CAPN13: variants seen among roughly 807,000 people sequenced by gnomAD.
CAPN13 encodes calpain 13.
CAPN13 carries 90 observed loss-of-function variants against 98.4 expected under a neutral mutation model. The observed-to-expected ratio is 0.92, with a 90% confidence interval of 0.77 to 1.09. The LOEUF (loss-of-function observed/expected upper bound fraction) is 1.09, where lower values mean the gene tolerates loss of function less well. CAPN13 is among the 50% of genes least tolerant of loss of function. The pLI is 0.00. For synonymous variants in CAPN13, 330 were observed against 305.5 expected, an observed-to-expected ratio of 1.08 and a Z score of -0.84; for missense variants, 887 against 841.3, an observed-to-expected ratio of 1.05 and a Z score of -0.67.
chr2:30,740,387 C>G (rs1230575899), intron 15 of CAPN13, among the ~76,000 whole-genome samples: 1 of 152,190 alleles, frequency 6.6e-6, no homozygotes, highest in Non-Finnish European at 1.5e-5. Context: ...GCTACCGTGC[C>G]CGGCAACCAT....
At chr2:30,759,796 G>A (rs1415580110) in intron 7 of CAPN13, among the ~76,000 whole-genome samples, 2 of 152,172 alleles carry the variant, frequency 1.3e-5, no homozygotes, top group Admixed American at 6.5e-5. Flanking sequence ...GTTCGTTCTT[G>A]GATGTGGCTG....
At chr2:30,749,101 C>T (rs964508542) in intron 11 of CAPN13, among the ~76,000 whole-genome samples, 8 of 152,118 alleles carry the variant, frequency 5.3e-5, no homozygotes, top group East Asian at 1.9e-4. Context: ...CCTACAAAAG[C>T]GGGGCTAGTT....
intron 14 of CAPN13, 144 bp downstream of exon 14, chr2:30,742,182 C>T: frequency 9.1e-7 from 1 of 1,096,116 alleles, no homozygotes; most frequent in Non-Finnish European, 1.3e-6. Flanking sequence ...CCCTACCCCG[C>T]CCCTTTGAGC....
intron 4 of CAPN13, among the ~76,000 whole-genome samples, chr2:30,771,104 C>T (rs916313090): frequency 2.6e-5 from 4 of 152,212 alleles, no homozygotes; most frequent in East Asian, 3.8e-4. Context: ...CTGCTAAGAG[C>T]GCAGATGAAC....
At chr2:30,764,010 G>T (rs1039304717) in intron 6 of CAPN13, 122 bp downstream of exon 6, 2 of 960,040 alleles carry the variant, frequency 2.1e-6, no homozygotes, top group African/African-American at 1.6e-5. Context: ...GGTAAAGCAC[G>T]CTATCAGTGT....
At chr2:30,738,599 A>T (rs777938203) in intron 15 of CAPN13, 142 bp from the exon 16 acceptor site, 32 of 840,158 alleles carry the variant, frequency 3.8e-5, no homozygotes, top group Non-Finnish European at 6.0e-5. Flanking sequence ...ATGAAGACTT[A>T]CCTGATGGCT....
At chr2:30,750,292 C>G (rs1468878456) in intron 11 of CAPN13, among the ~76,000 whole-genome samples, 1 of 151,702 alleles carries the variant, frequency 6.6e-6, no homozygotes, top group Non-Finnish European at 1.5e-5. Context: ...GCAACAGACA[C>G]TGGGATCTAC....
At chr2:30,761,098 G>C (rs141567987) in intron 7 of CAPN13, among the ~76,000 whole-genome samples, 71 of 152,324 alleles carry the variant, frequency 4.7e-4, no homozygotes, top group Admixed American at 2.5e-3. Flanking sequence ...CTTAAAATGT[G>C]AATGTACACT....
chr2:30,765,068 C>A (rs1314570373), intron 5 of CAPN13, among the ~76,000 whole-genome samples: 1 of 152,192 alleles, frequency 6.6e-6, no homozygotes, highest in Non-Finnish European at 1.5e-5. Context: ...CACCTCCACC[C>A]CGACCCATGG....
chr2:30,779,060 T>G (rs1673850531), intron 2 of CAPN13, among the ~76,000 whole-genome samples: 1 of 152,238 alleles, frequency 6.6e-6, no homozygotes, highest in East Asian at 1.9e-4. Context: ...AAAGGAGGCC[T>G]GCTGTCAAAG....
chr2:30,757,142 C>A (rs757226988), intron 8 of CAPN13, among the ~76,000 whole-genome samples: 3 of 152,322 alleles, frequency 2.0e-5, no homozygotes, highest in East Asian at 1.9e-4. Context: ...CCCAGCCCCA[C>A]GGGCGATGAT....
In CAPN13 at chr2:30,743,572, C is replaced by A. The variant is rs768174907; in HGVS notation, c.1256G>T (p.Arg419Leu). The change falls in exon 13 of 23, where the codon CGG becomes CTG. Residue 419 changes from arginine to leucine, a missense_variant. Physicochemically the swap from Arg to Leu is moderately radical, Grantham distance 102 (BLOSUM62 -2). Transcript: ENST00000295055. ...AAAAAACACGGGTGGAAATTTCTCCCGGAACCGCTGGAATTAGAGGAAACA... is the reference window on the plus strand; with the variant it reads ...AAAAAACACGGGTGGAAATTTCTCCAGGAACCGCTGGAATTAGAGGAAACA... The part of the protein sequence containing the change: ...QVILAGSQRF[R>L]EKFPPVFFSS... 7.4e-6 allele frequency: 12 copies of A among 1,613,906 alleles called. No individual in the cohort carries two copies. The highest frequency in any genetic ancestry group is 9.3e-6 in the Non-Finnish European group (11 of 1,179,840).
intron 1 of CAPN13, among the ~76,000 whole-genome samples, chr2:30,802,544 G>T (rs1056987612): frequency 5.9e-4 from 7 of 11,880 alleles, no homozygotes; most frequent in African/African-American, 2.5e-3. Flanking sequence ...AGGCAGGCTG[G>T]GGGGGGGGGG....
intron 7 of CAPN13, among the ~76,000 whole-genome samples, chr2:30,761,996 G>A (rs1039436134): frequency 1.2e-4 from 19 of 152,170 alleles, no homozygotes; most frequent in Admixed American, 1.3e-4. Context: ...TTGGAACTTG[G>A]TCTCTCAGGG....
intron 17 of CAPN13, 88 bp downstream of exon 17, chr2:30,738,147 G>T (rs1485047393): frequency 2.1e-6 from 3 of 1,401,368 alleles, no homozygotes; most frequent in African/African-American, 2.8e-5. Flanking sequence ...GTGGGAAAAG[G>T]GTTCCCTACT....
At chr2:30,759,342 G>T (rs1672701452) in intron 7 of CAPN13, among the ~76,000 whole-genome samples, 1 of 152,152 alleles carries the variant, frequency 6.6e-6, no homozygotes, top group Non-Finnish European at 1.5e-5. Context: ...CACCGCTTAA[G>T]CCAGAGGGCA....
At chr2:30,806,885 T>C (rs535407955) in intron 1 of CAPN13, among the ~76,000 whole-genome samples, 1 of 152,302 alleles carries the variant, frequency 6.6e-6, no homozygotes, top group African/African-American at 2.4e-5. Flanking sequence ...CTTTAGCAAA[T>C]GTTTATTAAG....
chr2:30,729,463 GT>G (rs2147940345), intron 22 of CAPN13: 1 of 152,324 alleles, frequency 6.6e-6, no homozygotes, highest in South Asian at 2.1e-4. Flanking sequence ...TACTTTGAAA[GT>G]TTAAGCCTTT....
At chr2:30,727,698 A>G (rs557465467) in intron 22 of CAPN13, among the ~76,000 whole-genome samples, 2 of 152,340 alleles carry the variant, frequency 1.3e-5, no homozygotes, top group East Asian at 3.9e-4. Context: ...TCTCATTTGC[A>G]GCTGGTGGGA....
Sources: allele counts gnomAD v4.1 joint callset (sites outside exome capture counted in the v4.1 genomes callset), GRCh38; gene constraint gnomAD v4.1.1; transcripts MANE v1.5; gene names NCBI Gene and HGNC (gene_info 2026-07-23, HGNC 2026-07-21).